Variants in CFAP299 observed in about 807,000 individuals in gnomAD.
CFAP299 encodes cilia- and flagella-associated protein 299.
A neutral mutation model predicts 27.0 loss-of-function variants in CFAP299; 21 were observed. That is an observed-to-expected ratio of 0.78 (90% CI 0.55 to 1.12). The LOEUF is 1.12. Among genes scored for constraint, CFAP299 ranks in the 50% most tolerant of loss-of-function variants. The pLI, the probability that CFAP299 is intolerant of heterozygous loss-of-function variation, is 0.00. For synonymous variants in CFAP299, 104 were observed against 98.1 expected, an observed-to-expected ratio of 1.06 and a Z score of -0.36; for missense variants, 310 against 276.6, an observed-to-expected ratio of 1.12 and a Z score of -0.86.
intron 3 of CFAP299, among the ~76,000 whole-genome samples, chr4:80,741,963 A>G (rs1724299747): frequency 1.3e-5 from 2 of 152,086 alleles, no homozygotes; most frequent in African/African-American, 4.8e-5. Flanking sequence ...ATTCTCTAGT[A>G]TGATAGGGCA....
intron 3 of CFAP299, among the ~76,000 whole-genome samples, chr4:80,732,284 C>T (rs928647640): frequency 2.7e-5 from 3 of 110,366 alleles, no homozygotes; most frequent in Non-Finnish European, 3.7e-5. Context: ...GAATCACACA[C>T]CTTAAACTAC....
intron 3 of CFAP299, among the ~76,000 whole-genome samples, chr4:80,585,488 T>C (rs1736388830): frequency 6.6e-6 from 1 of 152,174 alleles, no homozygotes; most frequent in Admixed American, 6.6e-5. Context: ...ATCCATTTGG[T>C]CACCAACCCT....
intron 1 of CFAP299, among the ~76,000 whole-genome samples, chr4:80,342,986 C>T (rs978142719): frequency 6.6e-6 from 1 of 152,022 alleles, no homozygotes; most frequent in South Asian, 2.1e-4. Context: ...GAAATACTTA[C>T]CAAGAAAATG....
At chr4:80,776,990 CTTAA>C (rs1273341132) in intron 3 of CFAP299, among the ~76,000 whole-genome samples, 3 of 151,590 alleles carry the variant, frequency 2.0e-5, no homozygotes, top group Admixed American at 6.6e-5. Context: ...CCCCCATTTT[CTTAA>C]TTGTTTCCTT....
At chr4:80,404,507 G>A (rs549432352) in intron 2 of CFAP299, among the ~76,000 whole-genome samples, 11 of 152,174 alleles carry the variant, frequency 7.2e-5, no homozygotes, top group African/African-American at 2.2e-4. Flanking sequence ...CTGACTACTC[G>A]AGGTACCTCG....
chr4:80,399,193 A>G (rs1014489517), intron 2 of CFAP299, among the ~76,000 whole-genome samples: 2 of 152,192 alleles, frequency 1.3e-5, no homozygotes, highest in Admixed American at 6.5e-5. Context: ...GGGAAACAAC[A>G]TATGCTGGAG....
chr4:80,329,034 A>G, the CFAP299 span, among the ~76,000 whole-genome samples: 1 of 152,030 alleles, frequency 6.6e-6, no homozygotes, highest in East Asian at 1.9e-4. Context: ...ATGCAGTCCA[A>G]TATACATTCA....
chr4:80,760,649 G>A (rs1312856850), intron 3 of CFAP299, among the ~76,000 whole-genome samples: 1 of 152,156 alleles, frequency 6.6e-6, no homozygotes, highest in African/African-American at 2.4e-5. Context: ...CTACTTGCAG[G>A]CTGTTTGCTA....
intron 3 of CFAP299, among the ~76,000 whole-genome samples, chr4:80,655,468 A>G (rs1740507379): frequency 6.6e-6 from 1 of 152,180 alleles, no homozygotes; most frequent in African/African-American, 2.4e-5. Context: ...ATGGGTACAC[A>G]GAATTGGTAT....
At chr4:80,901,458 A>T (rs1734892933) in intron 4 of CFAP299, among the ~76,000 whole-genome samples, 1 of 152,076 alleles carries the variant, frequency 6.6e-6, no homozygotes, top group Non-Finnish European at 1.5e-5. Context: ...ACTGAGCATA[A>T]GTTATTTTCT....
At chr4:80,733,105 A>G (rs1723634888) in intron 3 of CFAP299, among the ~76,000 whole-genome samples, 1 of 152,124 alleles carries the variant, frequency 6.6e-6, no homozygotes, top group Non-Finnish European at 1.5e-5. Context: ...TGAGGTCTAC[A>G]TATATCTACC....
At chr4:80,945,165 C>T (rs1027674090) in intron 5 of CFAP299, among the ~76,000 whole-genome samples, 1 of 152,192 alleles carries the variant, frequency 6.6e-6, no homozygotes, top group Admixed American at 6.5e-5. Context: ...AAACAGAACT[C>T]ACAAGTGGAA....
Position 80,630,255 on chromosome 4 carries a change from G to T in CFAP299, c.333+47072G>T, listed in dbSNP as rs182116119. On this transcript the variant is annotated intron_variant, in intron 3 of 5. Coordinates refer to ENST00000358105, the MANE Select transcript of CFAP299 (RefSeq NM_152770.3). ...TTTTCTTGTGGTAGGGAGTAGAAAA[G>T]CCGTACACAGTAAATTAACAGTAAA... is the stretch of plus-strand genomic sequence containing the variant. Among the ~76,000 whole-genome samples the T allele has an allele frequency of 5.1e-3, 778 of 152,228 alleles. 5 individuals are homozygous for T. Among genetic ancestry groups the T allele is most frequent in the Middle Eastern group, 0.02 (6 of 294 alleles).
intron 2 of CFAP299, among the ~76,000 whole-genome samples, chr4:80,408,508 G>C (rs939604501): frequency 4.6e-5 from 7 of 151,770 alleles, no homozygotes; most frequent in African/African-American, 1.7e-4. Context: ...TTATTTGGAG[G>C]AACATTTTAT....
intron 2 of CFAP299, among the ~76,000 whole-genome samples, chr4:80,568,683 G>C (rs1735433766): frequency 6.6e-6 from 1 of 151,908 alleles, no homozygotes; most frequent in Admixed American, 6.6e-5. Flanking sequence ...AGTTTTCCTG[G>C]CTTCCTGTAT....
At chr4:80,656,858 C>T (rs1236392904) in intron 3 of CFAP299, among the ~76,000 whole-genome samples, 1 of 152,108 alleles carries the variant, frequency 6.6e-6, no homozygotes, top group Non-Finnish European at 1.5e-5. Flanking sequence ...TAAAACTGTT[C>T]CTATTACTCC....
At chr4:80,883,078 A>ATATC (rs141918243) in intron 4 of CFAP299, among the ~76,000 whole-genome samples, 49,908 of 151,772 alleles carry the variant, frequency 0.33, 12,045 homozygotes, top group African/African-American at 0.68. Context: ...ATGCATAACA[A>ATATC]TATAACTACA....
At chr4:80,571,505 A>G (rs1230478646) in intron 2 of CFAP299, among the ~76,000 whole-genome samples, 3 of 152,194 alleles carry the variant, frequency 2.0e-5, no homozygotes, top group African/African-American at 7.2e-5. Flanking sequence ...GTAATAAGCA[A>G]GAAAGTGTAT....
At chr4:80,871,063 C>T (rs1265849604) in intron 4 of CFAP299, 4 of 432,058 alleles carry the variant, frequency 9.3e-6, no homozygotes, top group South Asian at 9.8e-5. Flanking sequence ...CATACCACCA[C>T]GTCTGGATAC....
Sources: gnomAD v4.1 joint callset for allele counts (sites outside exome capture counted in the v4.1 genomes callset) on GRCh38, gnomAD v4.1.1 for gene constraint, MANE v1.5 for transcripts, NCBI Gene and HGNC (gene_info 2026-07-23, HGNC 2026-07-21) for gene names.